The following EIF4E3 variants were observed in gnomAD, a reference collection of about 807,000 sequenced individuals.
EIF4E3 encodes eukaryotic translation initiation factor 4E type 3.
Under a neutral mutation model 31.7 loss-of-function variants are expected in EIF4E3, and 26 were observed. The ratio of observed to expected loss-of-function variants is 0.82; its 90% confidence interval spans 0.60 to 1.14. EIF4E3 has a LOEUF of 1.14. Among genes scored for constraint, EIF4E3 ranks in the 50% most tolerant of loss-of-function variants. EIF4E3 has a pLI of 0.00. For synonymous variants in EIF4E3, 128 were observed against 107.7 expected, an observed-to-expected ratio of 1.19 and a Z score of -1.17; for missense variants, 304 against 270.9, an observed-to-expected ratio of 1.12 and a Z score of -0.86.
At chr3:71,730,181 G>A (rs1465269990), upstream of EIF4E3, among the ~76,000 whole-genome samples, 1 of 152,092 alleles carries the variant, frequency 6.6e-6, no homozygotes, top group African/African-American at 2.4e-5. Flanking sequence ...CACTATTCTG[G>A]GATACTCACG....
upstream of EIF4E3, among the ~76,000 whole-genome samples, chr3:71,730,270 C>A (rs146579793): frequency 6.6e-6 from 1 of 152,288 alleles, no homozygotes; most frequent in East Asian, 1.9e-4. Context: ...AAGATCCTGC[C>A]ATAGGTAAAC....
downstream of EIF4E3, among the ~76,000 whole-genome samples, chr3:71,673,059 C>T (rs1255031751): frequency 6.6e-6 from 1 of 152,186 alleles, no homozygotes; most frequent in East Asian, 1.9e-4. Flanking sequence ...GGGTCTCCAG[C>T]TGGGTCATGG....
intron 2 of EIF4E3, among the ~76,000 whole-genome samples, chr3:71,702,792 G>C (rs1383976579): frequency 6.6e-6 from 1 of 151,062 alleles, no homozygotes; most frequent in Non-Finnish European, 1.5e-5. Flanking sequence ...TCATCCAATA[G>C]GTAGAATATT....
intron 1 of EIF4E3, among the ~76,000 whole-genome samples, chr3:71,735,136 C>T (rs776137535): frequency 1.3e-5 from 2 of 152,146 alleles, no homozygotes; most frequent in Non-Finnish European, 2.9e-5. Context: ...TGACGTTCCC[C>T]ATCTAACTAG....
chr3:71,729,798 ATGTGTGTGTGTGTGTGTGTGTGTGTGTG>A (rs3066626), upstream of EIF4E3, among the ~76,000 whole-genome samples: 1 of 129,692 alleles, frequency 7.7e-6, no homozygotes, highest in Non-Finnish European at 1.6e-5. Context: ...TTCCAATAGA[ATGTGTGTGTGTGTGTGTGTGTGTGTGTG>A]TGTGTGTGTG....
At chr3:71,673,210 T>C (rs959705457), downstream of EIF4E3, among the ~76,000 whole-genome samples, 3 of 152,242 alleles carry the variant, frequency 2.0e-5, no homozygotes, top group African/African-American at 7.2e-5. Flanking sequence ...TCAGATGCTA[T>C]ATATGCTTTA....
At chr3:71,710,556 G>A (rs1225499683) in intron 1 of EIF4E3, 72 bp from the exon 2 acceptor site, 10 of 1,447,698 alleles carry the variant, frequency 6.9e-6, no homozygotes, top group Non-Finnish European at 9.5e-6. Context: ...GCCCACAGTA[G>A]AATCTTTCAC....
intron 3 of EIF4E3, among the ~76,000 whole-genome samples, chr3:71,697,050 C>G (rs897600018): frequency 1.3e-5 from 2 of 151,966 alleles, no homozygotes; most frequent in African/African-American, 4.8e-5. Flanking sequence ...AGGTCTCACT[C>G]TGTCACCCAG....
the EIF4E3 span, among the ~76,000 whole-genome samples, chr3:71,664,065 G>C: frequency 1.1e-3 from 165 of 152,272 alleles, 1 homozygote; most frequent in South Asian, 2.9e-3. Flanking sequence ...TAATGGGAGT[G>C]GATCCAGAAA....
At chr3:71,686,816 G>C (rs1399810055) in intron 6 of EIF4E3, among the ~76,000 whole-genome samples, 2 of 152,156 alleles carry the variant, frequency 1.3e-5, no homozygotes, top group African/African-American at 4.8e-5. Context: ...TAAAGAGACA[G>C]TACAACAGAA....
intron 1 of EIF4E3, among the ~76,000 whole-genome samples, chr3:71,711,773 T>C (rs2049382727): frequency 6.6e-6 from 1 of 152,116 alleles, no homozygotes; most frequent in Non-Finnish European, 1.5e-5. Flanking sequence ...GGACAGGAGT[T>C]TGAGACCAGC....
At chr3:71,741,194 G>GCA (rs147940981) in intron 1 of EIF4E3, among the ~76,000 whole-genome samples, 6,354 of 149,290 alleles carry the variant, frequency 0.043, 402 homozygotes, top group African/African-American at 0.14. Flanking sequence ...ACATGCACGC[G>GCA]CACACACACA....
At chr3:71,685,673 A>G (rs1365425148) in intron 6 of EIF4E3, among the ~76,000 whole-genome samples, 1 of 152,214 alleles carries the variant, frequency 6.6e-6, no homozygotes, top group Non-Finnish European at 1.5e-5. Flanking sequence ...GGAACTCAGG[A>G]ATTTAAAAAA....
chr3:71,670,627 T>A (rs1448298760), downstream of EIF4E3, among the ~76,000 whole-genome samples: 1 of 152,314 alleles, frequency 6.6e-6, no homozygotes, highest in East Asian at 1.9e-4. Context: ...ATGGGGGTCT[T>A]TGTGGAAATT....
At position 71,720,622 on chromosome 3, in the gene EIF4E3, T is replaced by C. The variant is rs569418185; in HGVS notation, c.176+4570A>G. On this transcript the variant is annotated intron_variant, in intron 1 of 6. Transcript: ENST00000425534. ...CACAACTTCATAAAAGAGGTCCTCT[T>C]AGGTGGTAAGAGACATAAAGTAAAA... is the stretch of plus-strand genomic sequence containing the variant. Among the ~76,000 whole-genome samples the C allele has an allele frequency of 9.9e-5, 15 of 152,170 alleles. No homozygotes were observed. In the South Asian group the frequency reaches 3.1e-3, roughly 32 times the overall value.
intron 2 of EIF4E3, 97 bp downstream of exon 2, chr3:71,710,315 G>A (rs2049356707): frequency 7.2e-7 from 1 of 1,383,724 alleles, no homozygotes; most frequent in East Asian, 2.5e-5. Flanking sequence ...GCAGAACCCT[G>A]GACAGGGGCT....
rs2048916316 is a variant in EIF4E3, at chr3:71,681,038, T to A, written c.*3644A>T. ...TATTTGATGAAATATTTTCCATATC[T>A]CCTATATGTGAGTTTATTTTATTCT... On this transcript the variant is annotated 3_prime_UTR_variant, in exon 7 of 7. Transcript: ENST00000425534. 6.6e-6 allele frequency: 1 copy of A among 152,224 alleles called. No individual in the cohort carries two copies. The highest frequency in any genetic ancestry group is 1.5e-5 in the Non-Finnish European group (1 of 68,048). The allele number at this position is 152,224 out of a possible 1,614,324, so 9.4% of individuals were successfully genotyped here. A position where few individuals can be genotyped will look rare whatever the true frequency, so the allele number is the denominator to read the frequency against.
intron 4 of EIF4E3, among the ~76,000 whole-genome samples, chr3:71,696,199 G>A (rs2049133293): frequency 6.6e-6 from 1 of 152,188 alleles, no homozygotes; most frequent in African/African-American, 2.4e-5. Context: ...CAGCTTTTCT[G>A]TGAAGTTCAC....
intron 4 of EIF4E3, among the ~76,000 whole-genome samples, chr3:71,695,008 G>A (rs1005565532): frequency 3.2e-4 from 49 of 152,256 alleles, no homozygotes; most frequent in Admixed American, 2.7e-3. Flanking sequence ...AAGCAGTCTC[G>A]CTGAATCTTT....
Sources: gnomAD v4.1 joint callset for allele counts (sites outside exome capture counted in the v4.1 genomes callset) on GRCh38, gnomAD v4.1.1 for gene constraint, MANE v1.5 for transcripts, NCBI Gene and HGNC (gene_info 2026-07-23, HGNC 2026-07-21) for gene names.